CDK5RAP2: variants seen among roughly 807,000 people sequenced by gnomAD.
CDK5RAP2 encodes CDK5 regulatory subunit-associated protein 2.
In CDK5RAP2, 147 loss-of-function variants were observed where a neutral mutation model predicts 232.9. The ratio of observed to expected loss-of-function variants is 0.63; its 90% CI spans 0.55 to 0.72. CDK5RAP2 has a LOEUF of 0.72. Among genes scored for constraint, CDK5RAP2 ranks in the 30% least tolerant of loss-of-function variants. CDK5RAP2 has a pLI of 0.00. For synonymous variants in CDK5RAP2, 833 were observed against 833.7 expected (o/e 1.00, Z 0.01); for missense variants, 2,195 against 2,231.5 (o/e 0.98, Z 0.33).
intron 11 of CDK5RAP2, among the ~76,000 whole-genome samples, chr9:120,523,022 G>A (rs1307265329): frequency 2.0e-5 from 3 of 152,188 alleles, no homozygotes; most frequent in African/African-American, 4.8e-5. Context: ...GCAAAAACTC[G>A]CTGGTTTGTA....
chr9:120,445,613 G>C (rs1268992877), intron 22 of CDK5RAP2, among the ~76,000 whole-genome samples: 1 of 152,130 alleles, frequency 6.6e-6, no homozygotes, highest in East Asian at 1.9e-4. Flanking sequence ...TTACCAGATA[G>C]CAATATCTGA....
At position 120,500,990 on chromosome 9, in the gene CDK5RAP2, C is replaced by T. The variant is rs137893718; in HGVS notation, c.1312-9513G>A. 9.2e-5 allele frequency among the ~76,000 whole-genome samples: 14 copies of T among 152,308 alleles called. No homozygotes were observed. In the East Asian group the frequency reaches 2.7e-3, roughly 29 times the overall value. On this transcript the variant is annotated intron_variant, in intron 12 of 37. Transcript: ENST00000349780. ...TCCTACACCTGGGAGCTCCCACATC[C>T]GGGTTCTATTAATAATAGATGCTAC...
At chr9:120,505,251 G>C (rs999014134) in intron 12 of CDK5RAP2, among the ~76,000 whole-genome samples, 5 of 152,064 alleles carry the variant, frequency 3.3e-5, no homozygotes, top group Non-Finnish European at 7.4e-5. Flanking sequence ...TTCACTATTA[G>C]TATCTGTTAT....
At chr9:120,463,683 C>T (rs866114040) in intron 18 of CDK5RAP2, among the ~76,000 whole-genome samples, 39 of 152,172 alleles carry the variant, frequency 2.6e-4, no homozygotes, top group African/African-American at 7.7e-4. Flanking sequence ...ATATGAAAAG[C>T]GTCAAAGTTA....
At chr9:120,545,191 C>T (rs2041791469) in intron 5 of CDK5RAP2, among the ~76,000 whole-genome samples, 1 of 152,182 alleles carries the variant, frequency 6.6e-6, no homozygotes, top group Non-Finnish European at 1.5e-5. Context: ...CTGCCTCACC[C>T]ATCAGGACCC....
chr9:120,407,761 A>G (rs2033572829), intron 31 of CDK5RAP2: 1 of 169,652 alleles, frequency 5.9e-6, no homozygotes, highest in African/African-American at 2.4e-5. Flanking sequence ...ATTCTGAAAC[A>G]TTAGACGTTA....
At chr9:120,414,550 A>G (rs917369646) in intron 28 of CDK5RAP2, among the ~76,000 whole-genome samples, 7 of 152,228 alleles carry the variant, frequency 4.6e-5, no homozygotes, top group African/African-American at 1.7e-4. Context: ...AAAAGAAAAA[A>G]GTGGAGAAGA....
intron 36 of CDK5RAP2, 33 bp downstream of exon 36, chr9:120,394,471 GGAAGTGGT>G: frequency 6.2e-7 from 1 of 1,613,582 alleles, no homozygotes; most frequent in Non-Finnish European, 8.5e-7. Flanking sequence ...CTCGGAGGCA[GGAAGTGGT>G]CAGGCATAGC....
intron 12 of CDK5RAP2, among the ~76,000 whole-genome samples, chr9:120,514,746 T>C (rs1323459803): frequency 1.3e-5 from 2 of 152,192 alleles, no homozygotes; most frequent in Non-Finnish European, 2.9e-5. Flanking sequence ...ACCCATAGTA[T>C]ACTCACCCCA....
chr9:120,560,995 T>G (rs1254585226), intron 3 of CDK5RAP2, among the ~76,000 whole-genome samples: 1 of 151,718 alleles, frequency 6.6e-6, no homozygotes, highest in Non-Finnish European at 1.5e-5. Context: ...AAAAAAAAAA[T>G]TGGCTTCTCA....
chr9:120,450,279 A>G (rs2036413087), intron 21 of CDK5RAP2, among the ~76,000 whole-genome samples: 1 of 152,262 alleles, frequency 6.6e-6, no homozygotes, highest in African/African-American at 2.4e-5. Flanking sequence ...ACATGATTCC[A>G]TTTATATGAA....
intron 4 of CDK5RAP2, among the ~76,000 whole-genome samples, chr9:120,547,976 T>C (rs530381198): frequency 6.6e-6 from 1 of 152,354 alleles, no homozygotes; most frequent in East Asian, 1.9e-4. Context: ...AAAGCAATGC[T>C]TCTCCTTTCT....
intron 11 of CDK5RAP2, 28 bp from the exon 12 acceptor site, chr9:120,518,673 G>T: frequency 6.4e-7 from 1 of 1,571,654 alleles, no homozygotes; most frequent in South Asian, 1.1e-5. Flanking sequence ...GAAGCAAGAT[G>T]AGCTAATTTT....
chr9:120,548,149 GA>G (rs1478033104), intron 4 of CDK5RAP2, among the ~76,000 whole-genome samples: 7 of 152,210 alleles, frequency 4.6e-5, no homozygotes, highest in Non-Finnish European at 8.8e-5. Flanking sequence ...CTATGAGGCA[GA>G]ACTTTTTCTT....
chr9:120,455,108 C>A (rs979397230), intron 20 of CDK5RAP2, among the ~76,000 whole-genome samples: 4 of 152,116 alleles, frequency 2.6e-5, no homozygotes, highest in African/African-American at 9.7e-5. Flanking sequence ...AAAACTGTCC[C>A]AGGAGGACAT....
chr9:120,446,932 T>C (rs1220907079), intron 22 of CDK5RAP2, among the ~76,000 whole-genome samples: 1 of 152,156 alleles, frequency 6.6e-6, no homozygotes, highest in Admixed American at 6.5e-5. Context: ...TTCCACGGCA[T>C]TTATTTTCTC....
rs2037480123 is a variant in CDK5RAP2 at position 120,468,008 on chromosome 9, A to T, written c.1969-11T>A. ...TATAAGGTCACTGACCTAGGAGGTA[A>T]GAACAGGGAAAAGGCTGTCTACCCA... is the stretch of plus-strand genomic sequence containing the variant. On this transcript the variant is annotated splice_polypyrimidine_tract_variant and intron_variant, in intron 17 of 37. Transcript: ENST00000349780. 2 of 1,613,664 alleles carry T rather than the reference A, an allele frequency of 1.2e-6. No individual in the cohort carries two copies. Among genetic ancestry groups the T allele is most frequent in the Non-Finnish European group, 1.7e-6 (2 of 1,179,814 alleles).
At chr9:120,520,994 T>G (rs1026205063) in intron 11 of CDK5RAP2, among the ~76,000 whole-genome samples, 2 of 152,064 alleles carry the variant, frequency 1.3e-5, no homozygotes, top group African/African-American at 4.8e-5. Context: ...ATGAGATGTA[T>G]CTCATATATA....
intron 35 of CDK5RAP2, among the ~76,000 whole-genome samples, chr9:120,398,365 T>G (rs2032707425): frequency 6.6e-6 from 1 of 152,210 alleles, no homozygotes; most frequent in Non-Finnish European, 1.5e-5. Context: ...AGAATATGAA[T>G]ATCAATATTA....
Sources: gnomAD v4.1 joint callset for allele counts (sites outside exome capture counted in the v4.1 genomes callset) on GRCh38, gnomAD v4.1.1 for gene constraint, MANE v1.5 for transcripts, NCBI Gene and HGNC (gene_info 2026-07-23, HGNC 2026-07-21) for gene names.